The following SLC25A12 variants were observed in gnomAD, a reference collection of about 807,000 sequenced individuals.
The protein encoded by SLC25A12 is electrogenic aspartate/glutamate antiporter SLC25A12, mitochondrial.
In SLC25A12, 32 loss-of-function variants were observed where a neutral mutation model predicts 83.3. The observed-to-expected ratio is 0.38, with a 90% CI of 0.29 to 0.52. The LOEUF (loss-of-function observed/expected upper bound fraction) is 0.52. Ranked by LOEUF, SLC25A12 falls within the 20% of genes least tolerant of loss-of-function variation. The pLI is 0.84. For synonymous variants in SLC25A12, 267 were observed against 291.1 expected, an observed-to-expected ratio of 0.92 and a Z score of 0.84; for missense variants, 611 against 835.6, an observed-to-expected ratio of 0.73 and a Z score of 3.31.
intron 2 of SLC25A12, among the ~76,000 whole-genome samples, chr2:171,884,048 T>A (rs1050674384): frequency 2.0e-5 from 3 of 149,044 alleles, no homozygotes; most frequent in Non-Finnish European, 3.0e-5. Context: ...TTTTTATCTT[T>A]TTTTTTTTTT....
At chr2:171,789,213 G>A (rs1162556975) in intron 15 of SLC25A12, among the ~76,000 whole-genome samples, 1 of 152,116 alleles carries the variant, frequency 6.6e-6, no homozygotes, top group Non-Finnish European at 1.5e-5. Context: ...AGGAGTTTGA[G>A]ACCTCACATT....
intron 17 of SLC25A12, among the ~76,000 whole-genome samples, chr2:171,785,690 C>A (rs1173835577): frequency 6.6e-6 from 1 of 152,160 alleles, no homozygotes; most frequent in Non-Finnish European, 1.5e-5. Flanking sequence ...AGAGAAATGG[C>A]CTTATTTCCA....
chr2:171,825,473 C>T (rs1684279954), intron 9 of SLC25A12, among the ~76,000 whole-genome samples: 1 of 152,138 alleles, frequency 6.6e-6, no homozygotes, highest in South Asian at 2.1e-4. Context: ...TGAAGGTGAA[C>T]AATAACAGCA....
At chr2:171,882,824 C>CA (rs562748142) in intron 2 of SLC25A12, among the ~76,000 whole-genome samples, 65 of 147,902 alleles carry the variant, frequency 4.4e-4, no homozygotes, top group African/African-American at 1.4e-3. Context: ...AAGTTACGCA[C>CA]AAAAAAAAAA....
intron 8 of SLC25A12, among the ~76,000 whole-genome samples, chr2:171,828,333 A>G (rs1239850848): frequency 6.6e-6 from 1 of 152,234 alleles, no homozygotes; most frequent in African/African-American, 2.4e-5. Context: ...CTCTTCCAGA[A>G]CAAACTCACA....
At position 171,788,198 on chromosome 2, in the gene SLC25A12, A is replaced by T. The variant is rs1690525518; in HGVS notation, c.1586-251T>A. On this transcript the variant is annotated intron_variant, in intron 15 of 17. Transcript: ENST00000422440. ...CACTCTACATTGCATGATCCCAAAT[A>T]ACTGTGAGAGAGAAAAAAAAAGTAG... is the stretch of plus-strand genomic sequence containing the variant. 7.0e-6 allele frequency: 3 copies of T among 425,632 alleles called. No individual in the cohort carries two copies. In the South Asian group the frequency reaches 9.8e-5, roughly 14 times the overall value. The allele number at this position is 425,632 out of a possible 1,614,324, so 26.4% of individuals were successfully genotyped here.
chr2:171,814,642 G>A (rs965273709), intron 10 of SLC25A12, among the ~76,000 whole-genome samples: 4 of 151,858 alleles, frequency 2.6e-5, no homozygotes, highest in African/African-American at 9.7e-5. Context: ...CCTCCTTCCT[G>A]CCACCCTCCC....
At chr2:171,851,861 A>G (rs1357252523) in intron 4 of SLC25A12, among the ~76,000 whole-genome samples, 1 of 152,166 alleles carries the variant, frequency 6.6e-6, no homozygotes, top group East Asian at 1.9e-4. Flanking sequence ...TTTTAAATGC[A>G]TGGCAGCTAC....
At chr2:171,854,480 T>C (rs1252935382) in intron 4 of SLC25A12, among the ~76,000 whole-genome samples, 1 of 151,970 alleles carries the variant, frequency 6.6e-6, no homozygotes, top group Non-Finnish European at 1.5e-5. Flanking sequence ...GGCAGGAGAA[T>C]CACTTGAACC....
chr2:171,785,697 T>A (rs1574668969), intron 17 of SLC25A12, among the ~76,000 whole-genome samples: 1 of 152,182 alleles, frequency 6.6e-6, no homozygotes, highest in East Asian at 1.9e-4. Context: ...TGGCCTTATT[T>A]CCAATGCTTG....
intron 9 of SLC25A12, among the ~76,000 whole-genome samples, chr2:171,821,902 C>T (rs1684201349): frequency 6.6e-6 from 1 of 152,142 alleles, no homozygotes; most frequent in African/African-American, 2.4e-5. Context: ...AAATCTCTGC[C>T]TATCTCCAGA....
chr2:171,853,501 C>A (rs948172809), intron 4 of SLC25A12, among the ~76,000 whole-genome samples: 3 of 152,028 alleles, frequency 2.0e-5, no homozygotes, highest in Non-Finnish European at 1.5e-5. Context: ...CCAACATGGG[C>A]GAAGCCCCGT....
At chr2:171,824,168 A>G (rs1400816) in intron 9 of SLC25A12, among the ~76,000 whole-genome samples, 1 of 152,100 alleles carries the variant, frequency 6.6e-6, no homozygotes, top group Non-Finnish European at 1.5e-5. Flanking sequence ...AAATATCTGA[A>G]AAGACCCTTG....
At chr2:171,891,965 C>T (rs2105936786) in intron 2 of SLC25A12, among the ~76,000 whole-genome samples, 1 of 152,334 alleles carries the variant, frequency 6.6e-6, no homozygotes, top group Admixed American at 6.5e-5. Flanking sequence ...AAGCAAACCA[C>T]ATATCTCAAA....
chr2:171,787,497 G>C, intron 17 of SLC25A12, 74 bp downstream of exon 17: 1 of 1,165,066 alleles, frequency 8.6e-7, no homozygotes, highest in Non-Finnish European at 1.3e-6. Context: ...TTGCAACAAT[G>C]CTTTTGTAGA....
At chr2:171,833,185 C>G (rs1426765870) in intron 8 of SLC25A12, among the ~76,000 whole-genome samples, 4 of 152,126 alleles carry the variant, frequency 2.6e-5, no homozygotes, top group African/African-American at 9.7e-5. Context: ...AGAAGTCACC[C>G]TATCTCCACT....
At chr2:171,833,126 A>G (rs1306074660) in intron 8 of SLC25A12, among the ~76,000 whole-genome samples, 1 of 152,156 alleles carries the variant, frequency 6.6e-6, no homozygotes, top group African/African-American at 2.4e-5. Context: ...TCAAATGATC[A>G]TGCAGCAGGG....
At position 171,821,017 on chromosome 2, in the gene SLC25A12, C is replaced by CTTTTT. The variant is rs869070730; in HGVS notation, c.930+5776_930+5780dup. On this transcript the variant is annotated intron_variant, in intron 9 of 17. Coordinates refer to ENST00000422440, the MANE Select transcript of SLC25A12 (RefSeq NM_003705.5). ...TGCAAATAACGCAGCTATAAACATTCTTTTTTTTTTTTTTTTTTTTTTTTT... is the reference window on the plus strand; with the variant it reads ...TGCAAATAACGCAGCTATAAACATTCTTTTTTTTTTTTTTTTTTTTTTTTTTTTTT... Among the ~76,000 whole-genome samples the CTTTTT allele has an allele frequency of 1.0e-3, 49 of 48,638 alleles. 4 individuals are homozygous for CTTTTT. Among genetic ancestry groups the CTTTTT allele is most frequent in the African/African-American group, 2.4e-3 (30 of 12,584 alleles). The allele number at this position is 48,638 out of a possible 152,430, so 31.9% of individuals were successfully genotyped here.
intron 2 of SLC25A12, among the ~76,000 whole-genome samples, chr2:171,886,173 A>G: frequency 6.6e-6 from 1 of 151,978 alleles, no homozygotes; most frequent in Non-Finnish European, 1.5e-5. Context: ...GTATCTGCAT[A>G]ACTTTCATAG....
Sources: allele counts gnomAD v4.1 joint callset (sites outside exome capture counted in the v4.1 genomes callset), GRCh38; gene constraint gnomAD v4.1.1; transcripts MANE v1.5; gene names NCBI Gene and HGNC (gene_info 2026-07-23, HGNC 2026-07-21).